Variants in SV2C observed in about 807,000 individuals in gnomAD.
The protein encoded by SV2C is synaptic vesicle glycoprotein 2C, also known as solute carrier family 22 member B3.
SV2C carries 49 observed loss-of-function variants against 79.7 expected under a neutral mutation model. That is an observed-to-expected ratio of 0.61 (90% CI 0.49 to 0.78). The LOEUF is 0.78. Ranked by LOEUF, SV2C falls within the 30% of genes least tolerant of loss-of-function variation. The pLI is 0.00. For synonymous variants in SV2C, 334 were observed against 333.2 expected (o/e 1.00, Z -0.03); for missense variants, 833 against 912.9 (o/e 0.91, Z 1.13).
chr5:76,004,260 C>T, the SV2C span, among the ~76,000 whole-genome samples: 1 of 152,184 alleles, frequency 6.6e-6, no homozygotes, highest in African/African-American at 2.4e-5. Context: ...ACATACACTA[C>T]CAGAAAATTC....
At chr5:75,903,323 C>T in the SV2C span, among the ~76,000 whole-genome samples, 2 of 151,556 alleles carry the variant, frequency 1.3e-5, no homozygotes, top group East Asian at 1.9e-4. Flanking sequence ...GGTGATAGGA[C>T]CCTTGAGTGT....
the SV2C span, among the ~76,000 whole-genome samples, chr5:75,963,001 C>T: frequency 2.0e-5 from 3 of 152,046 alleles, no homozygotes; most frequent in Admixed American, 2.0e-4. Context: ...TGGAAAACAA[C>T]TAATGGCAAC....
chr5:75,937,034 C>A, the SV2C span, among the ~76,000 whole-genome samples: 1 of 149,952 alleles, frequency 6.7e-6, no homozygotes, highest in East Asian at 2.0e-4. Flanking sequence ...AAACGTTAAA[C>A]CCTCTCTTTC....
chr5:76,211,440 A>T (rs1455701548), intron 4 of SV2C, among the ~76,000 whole-genome samples: 1 of 150,752 alleles, frequency 6.6e-6, no homozygotes, highest in African/African-American at 2.5e-5. Flanking sequence ...ATATCAGGAA[A>T]GGGGAGAGAA....
At chr5:75,863,802 G>A in the SV2C span, among the ~76,000 whole-genome samples, 2 of 152,154 alleles carry the variant, frequency 1.3e-5, no homozygotes, top group Admixed American at 6.5e-5. Context: ...AAGATTAAAT[G>A]TCACTCTTTC....
At chr5:76,174,625 T>C (rs781553061) in intron 2 of SV2C, among the ~76,000 whole-genome samples, 7 of 152,242 alleles carry the variant, frequency 4.6e-5, no homozygotes, top group Non-Finnish European at 1.0e-4. Context: ...TCAAATTTTT[T>C]AGGCCACCTG....
At chr5:76,141,936 C>T (rs991817571) in intron 2 of SV2C, among the ~76,000 whole-genome samples, 2 of 149,498 alleles carry the variant, frequency 1.3e-5, no homozygotes, top group South Asian at 2.1e-4. Flanking sequence ...TATAATAATA[C>T]AGACTCATAG....
At chr5:76,274,299 G>GA (rs1395404792) in intron 4 of SV2C, among the ~76,000 whole-genome samples, 1 of 152,096 alleles carries the variant, frequency 6.6e-6, no homozygotes, top group African/African-American at 2.4e-5. Context: ...AATGTCAAGT[G>GA]AAAATCTTCA....
Position 76,145,769 on chromosome 5 carries a change from C to T in SV2C, c.580+13439C>T, listed in dbSNP as rs535209373. ...TTAAACCAAATCTACCCAAGTGGCCCCTCCTCTCCTCCTGGGAGATGGTGG... is the reference window on the plus strand; with the variant it reads ...TTAAACCAAATCTACCCAAGTGGCCTCTCCTCTCCTCCTGGGAGATGGTGG... On this transcript the variant is annotated intron_variant, in intron 2 of 12. Coordinates refer to ENST00000502798, the MANE Select transcript of SV2C (RefSeq NM_014979.4). Among the ~76,000 whole-genome samples the T allele has an allele frequency of 2.2e-3, 339 of 152,262 alleles. 2 individuals are homozygous for T. Among genetic ancestry groups the T allele is most frequent in the African/African-American group, 6.8e-3 (284 of 41,546 alleles).
At chr5:75,921,277 G>T in the SV2C span, 2 of 1,479,770 alleles carry the variant, frequency 1.4e-6, no homozygotes, top group Non-Finnish European at 9.4e-7. Flanking sequence ...CCAGGTCCTT[G>T]CCATCCCACT....
chr5:75,960,892 T>G, the SV2C span, among the ~76,000 whole-genome samples: 13 of 152,006 alleles, frequency 8.6e-5, no homozygotes, highest in Non-Finnish European at 1.5e-4. Flanking sequence ...TACTTCCTTG[T>G]GCTCTAATAC....
At chr5:75,939,926 A>G in the SV2C span, among the ~76,000 whole-genome samples, 1 of 152,036 alleles carries the variant, frequency 6.6e-6, no homozygotes, top group African/African-American at 2.4e-5. Context: ...CATCCTTTCC[A>G]GCAACCCTTC....
chr5:76,045,704 T>C, the SV2C span, among the ~76,000 whole-genome samples: 4 of 152,068 alleles, frequency 2.6e-5, no homozygotes, highest in African/African-American at 9.7e-5. Flanking sequence ...TGCCTTGAAC[T>C]TTATTATTTA....
the SV2C span, among the ~76,000 whole-genome samples, chr5:75,984,567 A>ATCTATCTATCTATATCTATCTATCTATC: frequency 7.8e-4 from 80 of 102,912 alleles, no homozygotes; most frequent in African/African-American, 2.1e-3. Flanking sequence ...CTATCTATCT[A>ATCTATCTATCTATATCTATCTATCTATC]TATCTATCTA....
chr5:75,900,031 C>G, the SV2C span, among the ~76,000 whole-genome samples: 1 of 151,914 alleles, frequency 6.6e-6, no homozygotes, highest in Non-Finnish European at 1.5e-5. Context: ...ATTTGCCAGT[C>G]TGTCTTTTAA....
At chr5:75,901,847 G>A in the SV2C span, among the ~76,000 whole-genome samples, 1 of 152,240 alleles carries the variant, frequency 6.6e-6, no homozygotes, top group African/African-American at 2.4e-5. Context: ...TCAGACTGCT[G>A]TGCTAGCAAT....
At chr5:76,039,664 G>A in the SV2C span, among the ~76,000 whole-genome samples, 1 of 151,056 alleles carries the variant, frequency 6.6e-6, no homozygotes, top group Admixed American at 6.6e-5. Context: ...GCAGGGGCAG[G>A]AGAATCGCTT....
chr5:76,138,190 G>A (rs1749131699), intron 2 of SV2C, among the ~76,000 whole-genome samples: 1 of 152,200 alleles, frequency 6.6e-6, no homozygotes, highest in Non-Finnish European at 1.5e-5. Flanking sequence ...ATGAAGATAG[G>A]AGACCTAGAG....
intron 4 of SV2C, among the ~76,000 whole-genome samples, chr5:76,265,599 G>A (rs906013689): frequency 1.3e-5 from 2 of 152,230 alleles, no homozygotes; most frequent in African/African-American, 2.4e-5. Context: ...CCAGGGCCGT[G>A]GTGGTGTAGG....
Sources: allele counts gnomAD v4.1 joint callset (sites outside exome capture counted in the v4.1 genomes callset), GRCh38; gene constraint gnomAD v4.1.1; transcripts MANE v1.5; gene names NCBI Gene and HGNC (gene_info 2026-07-23, HGNC 2026-07-21).